The following B3GALT5 variants were observed in gnomAD, a reference collection of about 807,000 sequenced individuals.
B3GALT5 encodes the protein beta-1,3-galactosyltransferase 5.
For missense variants in B3GALT5, 328 were observed against 396.6 expected (o/e 0.83, Z 1.47); for synonymous variants, 156 against 158.6 (o/e 0.98, Z 0.12).
chr21:39,618,799 T>G (rs974110389), intron 1 of B3GALT5, among the ~76,000 whole-genome samples: 2 of 152,228 alleles, frequency 1.3e-5, no homozygotes, highest in African/African-American at 4.8e-5. Context: ...TTACCACTTT[T>G]TTTTAATGGT....
intron 1 of B3GALT5, among the ~76,000 whole-genome samples, chr21:39,639,428 CTT>C (rs1260335508): frequency 9.1e-6 from 1 of 109,870 alleles, no homozygotes; most frequent in East Asian, 2.2e-4. Flanking sequence ...TTCTTTCTTT[CTT>C]TCTTTCTTTC....
chr21:39,640,092 G>A (rs1053730893), intron 1 of B3GALT5, among the ~76,000 whole-genome samples: 2 of 152,002 alleles, frequency 1.3e-5, no homozygotes, highest in Non-Finnish European at 2.9e-5. Context: ...GCTTTAAAAC[G>A]GTGTTATTCC....
At chr21:39,635,224 G>C (rs4818062) in intron 1 of B3GALT5, among the ~76,000 whole-genome samples, 20,172 of 152,136 alleles carry the variant, frequency 0.13, 1,759 homozygotes, top group East Asian at 0.34. Flanking sequence ...TTTTGTTAGT[G>C]TTGGGAGGTA....
chr21:39,630,042 A>G (rs1345633680), intron 1 of B3GALT5, among the ~76,000 whole-genome samples: 1 of 152,244 alleles, frequency 6.6e-6, no homozygotes, highest in Non-Finnish European at 1.5e-5. Flanking sequence ...TAAAATTTTT[A>G]GAGTAAATGA....
intron 2 of B3GALT5, among the ~76,000 whole-genome samples, chr21:39,646,898 C>T (rs910630499): frequency 1.3e-5 from 2 of 151,986 alleles, no homozygotes; most frequent in Admixed American, 6.6e-5. Context: ...CTCAGAAGTT[C>T]GAGACCAGCC....
intron 1 of B3GALT5, among the ~76,000 whole-genome samples, chr21:39,637,015 A>G (rs563594270): frequency 2.0e-4 from 31 of 152,148 alleles, no homozygotes; most frequent in Admixed American, 1.3e-4. Context: ...GTGTTTTTGG[A>G]GGGACCCTGC....
intron 1 of B3GALT5, among the ~76,000 whole-genome samples, chr21:39,644,665 C>A (rs2079320139): frequency 6.6e-6 from 1 of 152,166 alleles, no homozygotes; most frequent in African/African-American, 2.4e-5. Context: ...TCTTGTTATG[C>A]ACAAGGAGGG....
chr21:39,648,168 T>C (rs554247704), intron 2 of B3GALT5, among the ~76,000 whole-genome samples: 4 of 152,336 alleles, frequency 2.6e-5, no homozygotes, highest in Admixed American at 1.3e-4. Context: ...ACGAAATTGT[T>C]CAAATAAAAT....
intron 2 of B3GALT5, among the ~76,000 whole-genome samples, chr21:39,650,049 C>G (rs1602289807): frequency 1.3e-5 from 2 of 152,224 alleles, no homozygotes; most frequent in East Asian, 3.9e-4. Context: ...GATTTGTCGT[C>G]TTTGTCGTGG....
chr21:39,621,281 C>G (rs1244247538), intron 1 of B3GALT5, among the ~76,000 whole-genome samples: 2 of 152,064 alleles, frequency 1.3e-5, no homozygotes, highest in African/African-American at 2.4e-5. Flanking sequence ...TTTGATGTAG[C>G]TTTTGAAATA....
chr21:39,659,969 C>T (rs1223378040), intron 3 of B3GALT5, 57 bp downstream of exon 3: 6 of 946,244 alleles, frequency 6.3e-6, no homozygotes, highest in Non-Finnish European at 6.3e-6. Context: ...CTGAACTTGC[C>T]GAGGATAGCA....
chr21:39,615,183 T>G (rs1328050926), intron 1 of B3GALT5, among the ~76,000 whole-genome samples: 3 of 152,356 alleles, frequency 2.0e-5, no homozygotes, highest in Middle Eastern at 3.4e-3. Flanking sequence ...TATTCCTTGT[T>G]AATTCCAGTT....
intron 1 of B3GALT5, among the ~76,000 whole-genome samples, chr21:39,626,209 T>C (rs2079163033): frequency 6.6e-6 from 1 of 152,226 alleles, no homozygotes; most frequent in African/African-American, 2.4e-5. Flanking sequence ...GTTTATTTTA[T>C]GTAGCATGTC....
At position 39,639,394 on chromosome 21, in the gene B3GALT5, CTT is replaced by C. The variant is rs60073873; in HGVS notation, c.-391-6996_-391-6995del. Among the ~76,000 whole-genome samples the C allele has an allele frequency of 5.5e-4, 51 of 92,652 alleles. 2 individuals are homozygous for C. Among genetic ancestry groups the C allele is most frequent in the African/African-American group, 1.2e-3 (29 of 25,140 alleles). 60.8% of individuals were successfully genotyped at this position (92,652 alleles called of 152,430 possible). A position where few individuals can be genotyped will look rare whatever the true frequency, so the allele number is the denominator to read the frequency against. On this transcript the variant is annotated intron_variant, in intron 1 of 3. Coordinates refer to ENST00000684187, the MANE Select transcript of B3GALT5 (RefSeq NM_001356336.2). ...TCCTTCCTTCCTTCCTTCCTTCCTT[CTT>C]TCTTTTTCTTTCTTTCTTTCTTTCT...
At chr21:39,654,263 G>A (rs1895752408) in intron 2 of B3GALT5, among the ~76,000 whole-genome samples, 1 of 152,188 alleles carries the variant, frequency 6.6e-6, no homozygotes, top group Non-Finnish European at 1.5e-5. Flanking sequence ...CTAATTTTTT[G>A]TAGAGATAGG....
At chr21:39,620,690 C>T (rs186682086) in intron 1 of B3GALT5, among the ~76,000 whole-genome samples, 2 of 152,074 alleles carry the variant, frequency 1.3e-5, no homozygotes. Flanking sequence ...TATGAGCATA[C>T]CATTAGATCA....
At chr21:39,613,356 G>T (rs974441695) in intron 1 of B3GALT5, among the ~76,000 whole-genome samples, 1 of 152,174 alleles carries the variant, frequency 6.6e-6, no homozygotes, top group Non-Finnish European at 1.5e-5. Context: ...GGCACGGTGC[G>T]GACACAAGAC....
intron 1 of B3GALT5, among the ~76,000 whole-genome samples, chr21:39,635,850 A>T (rs1459103437): frequency 6.6e-6 from 1 of 152,030 alleles, no homozygotes; most frequent in African/African-American, 2.4e-5. Flanking sequence ...ATCTGTGTTT[A>T]TTCACCTCCA....
rs958271647 is a variant in B3GALT5 at position 39,664,548 on chromosome 21, C to G, written c.*3056C>G. On this transcript the variant is annotated 3_prime_UTR_variant, in exon 4 of 4. Coordinates refer to ENST00000684187, the MANE Select transcript of B3GALT5 (RefSeq NM_001356336.2). Reference sequence around the variant, plus strand: ...GGCCACCACCTTCCCCGACCCCTTCCCTGACCCCCTTCCCCGTCCCGCTGC... The same window carrying G: ...GGCCACCACCTTCCCCGACCCCTTCGCTGACCCCCTTCCCCGTCCCGCTGC... 2 of 152,564 alleles carry G rather than the reference C, an allele frequency of 1.3e-5. No individual in the cohort carries two copies. The highest frequency in any genetic ancestry group is 2.9e-5 in the Non-Finnish European group (2 of 68,270). The allele number at this position is 152,564 out of a possible 1,614,324, so 9.5% of individuals were successfully genotyped here. A position where few individuals can be genotyped will look rare whatever the true frequency, so the allele number is the denominator to read the frequency against.
Sources: allele counts gnomAD v4.1 joint callset (sites outside exome capture counted in the v4.1 genomes callset), GRCh38; gene constraint gnomAD v4.1.1; transcripts MANE v1.5; gene names NCBI Gene and HGNC (gene_info 2026-07-23, HGNC 2026-07-21).